Variants in PRDM6 observed in about 807,000 individuals in gnomAD.
PRDM6 encodes PR/SET domain 6, also known as putative histone-lysine N-methyltransferase PRDM6.
Under a neutral mutation model 60.8 loss-of-function variants are expected in PRDM6, and 25 were observed. The observed-to-expected ratio is 0.41, with a 90% CI of 0.30 to 0.57. The LOEUF is 0.57. Ranked by LOEUF, PRDM6 falls within the 20% of genes least tolerant of loss-of-function variation. PRDM6 has a pLI of 0.27. For missense variants in PRDM6, 839 were observed against 821.3 expected (o/e 1.02, Z -0.26); for synonymous variants, 407 against 357.4 (o/e 1.14, Z -1.57).
intron 3 of PRDM6, among the ~76,000 whole-genome samples, chr5:123,123,162 T>C (rs938621943): frequency 6.6e-6 from 1 of 152,252 alleles, no homozygotes; most frequent in Non-Finnish European, 1.5e-5. Context: ...GAGTATTTGC[T>C]TCTCTGATTC....
At position 123,136,328 on chromosome 5, in the gene PRDM6, C is replaced by T. The variant is rs1764949399; in HGVS notation, c.901-19556C>T. ...ACTTCTATTTTATTTCTGTCCTGGT[C>T]GTTTTAATGTGTTTATAGGGTTCAT... On this transcript the variant is annotated intron_variant, in intron 3 of 7. Transcript: ENST00000407847. Among the ~76,000 whole-genome samples, 3 of 152,000 alleles carry T rather than the reference C, an allele frequency of 2.0e-5. No individual in the cohort carries two copies. The South Asian group carries it at 6.2e-4, about 32-fold the overall frequency.
intron 3 of PRDM6, among the ~76,000 whole-genome samples, chr5:123,110,741 T>C (rs1764294612): frequency 6.6e-6 from 1 of 151,988 alleles, no homozygotes; most frequent in South Asian, 2.1e-4. Context: ...TTATTCTGTA[T>C]TTTTAGTAGA....
At chr5:123,136,416 A>G (rs366769) in intron 3 of PRDM6, among the ~76,000 whole-genome samples, 49,352 of 152,092 alleles carry the variant, frequency 0.32, 8,457 homozygotes, top group Middle Eastern at 0.37. Flanking sequence ...ACTGTTTTGC[A>G]AAGTAGACAC....
intron 2 of PRDM6, 100 bp downstream of exon 2, chr5:123,090,706 G>C: frequency 3.3e-6 from 2 of 612,536 alleles, no homozygotes; most frequent in South Asian, 2.4e-5. Context: ...GGAGTGACAC[G>C]GGGCCGGGTG....
At chr5:123,138,881 T>C (rs1765032929) in intron 3 of PRDM6, among the ~76,000 whole-genome samples, 4 of 152,194 alleles carry the variant, frequency 2.6e-5, no homozygotes, top group Admixed American at 1.3e-4. Flanking sequence ...GTACATGATA[T>C]GGTTTTGCTC....
chr5:123,108,589 A>C (rs1764243807), intron 3 of PRDM6, among the ~76,000 whole-genome samples: 1 of 152,174 alleles, frequency 6.6e-6, no homozygotes, highest in Non-Finnish European at 1.5e-5. Flanking sequence ...GCTACTAAGG[A>C]AAGCACTTAA....
intron 2 of PRDM6, among the ~76,000 whole-genome samples, chr5:123,091,206 G>C (rs1763834170): frequency 6.6e-6 from 1 of 152,096 alleles, no homozygotes; most frequent in Non-Finnish European, 1.5e-5. Flanking sequence ...TTGAAGGCAG[G>C]CAGTATTCTT....
At chr5:123,106,450 A>G (rs1764199069) in intron 3 of PRDM6, among the ~76,000 whole-genome samples, 1 of 152,206 alleles carries the variant, frequency 6.6e-6, no homozygotes, top group Non-Finnish European at 1.5e-5. Context: ...AGCATTAGAC[A>G]AAAAAGAGAG....
chr5:123,142,394 C>T (rs1413833666), intron 3 of PRDM6, among the ~76,000 whole-genome samples: 1 of 152,110 alleles, frequency 6.6e-6, no homozygotes, highest in Non-Finnish European at 1.5e-5. Context: ...CATAGGATTC[C>T]TCATCTGTAG....
At chr5:123,152,354 T>A (rs1228470306) in intron 3 of PRDM6, among the ~76,000 whole-genome samples, 4 of 152,182 alleles carry the variant, frequency 2.6e-5, no homozygotes, top group Non-Finnish European at 5.9e-5. Context: ...CATCTTTTCT[T>A]ATCTTAAGGG....
chr5:123,151,203 G>A (rs1445364841), intron 3 of PRDM6, among the ~76,000 whole-genome samples: 1 of 152,130 alleles, frequency 6.6e-6, no homozygotes, highest in Non-Finnish European at 1.5e-5. Flanking sequence ...AGTATCTGGA[G>A]CCTTGGCACA....
intron 6 of PRDM6, among the ~76,000 whole-genome samples, chr5:123,176,107 T>C (rs1766001864): frequency 6.6e-6 from 1 of 152,182 alleles, no homozygotes; most frequent in South Asian, 2.1e-4. Context: ...GCTATTTACA[T>C]TTAAATTAAT....
In PRDM6 at chr5:123,188,642, C is replaced by T. The variant is rs1766340490; in HGVS notation, c.*1441C>T. ...TTCTGTTTGTAAATTTCATCATCACCTGATATCAGGACACAGTCTTTTAAG... is the reference window on the plus strand; with the variant it reads ...TTCTGTTTGTAAATTTCATCATCACTTGATATCAGGACACAGTCTTTTAAG... On this transcript the variant is annotated 3_prime_UTR_variant, in exon 8 of 8. Coordinates refer to ENST00000407847, the MANE Select transcript of PRDM6 (RefSeq NM_001136239.4). 1 of 152,138 alleles carries T rather than the reference C, an allele frequency of 6.6e-6. No individual in the cohort carries two copies. The allele number at this position is 152,138 out of a possible 1,614,324, so 9.4% of individuals were successfully genotyped here. A position where few individuals can be genotyped will look rare whatever the true frequency, so the allele number is the denominator to read the frequency against.
chr5:123,185,808 G>A (rs1266460087), intron 7 of PRDM6, among the ~76,000 whole-genome samples: 1 of 152,150 alleles, frequency 6.6e-6, no homozygotes, highest in Non-Finnish European at 1.5e-5. Flanking sequence ...CCAAGACAGG[G>A]CACTTAATAT....
intron 3 of PRDM6, among the ~76,000 whole-genome samples, chr5:123,147,004 A>G (rs550410108): frequency 1.3e-5 from 2 of 152,198 alleles, no homozygotes; most frequent in Non-Finnish European, 2.9e-5. Flanking sequence ...TCAAGCTTTC[A>G]TGAGAGTTTT....
rs1438990046 is a variant in PRDM6, at chr5:123,155,959, A to G, written c.976A>G (p.Ile326Val). Residue 326 changes from isoleucine (I) to valine (V), a missense_variant, in exon 4 of 8, where the codon ATC (isoleucine) becomes GTC (valine). Coordinates refer to ENST00000407847, the MANE Select transcript of PRDM6 (RefSeq NM_001136239.4). ...EPSKSSWMRY[I>V]RCARHCGEQN... ...TAGTAAGTCGAGCTGGATGAGGTAT[A>G]TCCGATGTGCAAGGCACTGCGGAGA... 5 of 1,551,600 alleles carry G rather than the reference A, an allele frequency of 3.2e-6. No individual in the cohort carries two copies. The Admixed American group carries it at 5.9e-5, about 18-fold the overall frequency.
In PRDM6 at chr5:123,090,228, C is replaced by G; in HGVS notation, c.214C>G (p.Arg72Gly). ...AEPPPDSLRP[R>G]PASLSSASST... ...GCCTCCGCCGGACAGCCTGCGCCCG[C>G]GGCCCGCCTCTCTCTCCTCCGCCTC... Residue 72 changes from arginine to glycine, a missense_variant, in exon 2 of 8, where the codon CGG (arginine) becomes GGG (glycine). Physicochemically the swap from Arg to Gly is moderately radical, Grantham distance 125. Coordinates refer to ENST00000407847, the MANE Select transcript of PRDM6 (RefSeq NM_001136239.4). The G allele has an allele frequency of 6.8e-7, 1 of 1,474,028 alleles. No homozygotes were observed. The highest frequency in any genetic ancestry group is 9.0e-7 in the Non-Finnish European group (1 of 1,113,688). The allele number at this position is 1,474,028 out of a possible 1,614,324, so 91.3% of individuals were successfully genotyped here.
chr5:123,115,854 A>G (rs1339024812), intron 3 of PRDM6, among the ~76,000 whole-genome samples: 2 of 151,444 alleles, frequency 1.3e-5, no homozygotes, highest in Non-Finnish European at 2.9e-5. Context: ...CCTTTCCCTG[A>G]TCCCTCTCTC....
intron 3 of PRDM6, among the ~76,000 whole-genome samples, chr5:123,146,574 A>G (rs957352712): frequency 1.3e-5 from 2 of 152,208 alleles, no homozygotes; most frequent in Non-Finnish European, 2.9e-5. Context: ...TATTTTCCAA[A>G]ATTGATACTT....
Sources: gnomAD v4.1 joint callset for allele counts (sites outside exome capture counted in the v4.1 genomes callset) on GRCh38, gnomAD v4.1.1 for gene constraint, MANE v1.5 for transcripts, NCBI Gene and HGNC (gene_info 2026-07-23, HGNC 2026-07-21) for gene names.